Variants in FSHR observed in about 807,000 individuals in gnomAD.
The protein encoded by FSHR is follicle-stimulating hormone receptor.
Under a neutral mutation model 52.1 loss-of-function variants are expected in FSHR, and 46 were observed. That is an observed-to-expected ratio of 0.88 (90% CI 0.70 to 1.13). The LOEUF (loss-of-function observed/expected upper bound fraction) is 1.13, where lower values mean the gene tolerates loss of function less well. Among genes scored for constraint, FSHR ranks in the 50% most tolerant of loss-of-function variants. FSHR has a pLI of 0.00. For synonymous variants in FSHR, 399 were observed against 309.6 expected (o/e 1.29, Z -3.03); for missense variants, 964 against 834.6 (o/e 1.16, Z -1.91).
chr2:49,090,909 T>C (rs765759322), intron 1 of FSHR, among the ~76,000 whole-genome samples: 10 of 152,272 alleles, frequency 6.6e-5, no homozygotes, highest in Non-Finnish European at 1.3e-4. Context: ...GTCATTCTTA[T>C]ATTTTTTTTG....
chr2:49,020,600 T>C (rs538676479), intron 2 of FSHR, among the ~76,000 whole-genome samples: 2 of 152,220 alleles, frequency 1.3e-5, no homozygotes, highest in East Asian at 3.9e-4. Flanking sequence ...ATTGACATTG[T>C]AGCCCAAATG....
At chr2:49,107,257 C>T (rs897980352) in intron 1 of FSHR, among the ~76,000 whole-genome samples, 1 of 151,968 alleles carries the variant, frequency 6.6e-6, no homozygotes, top group Non-Finnish European at 1.5e-5. Flanking sequence ...TTGAAATGGC[C>T]TTTTTTTCCT....
At chr2:49,078,784 G>T (rs1354362628) in intron 1 of FSHR, among the ~76,000 whole-genome samples, 1 of 152,110 alleles carries the variant, frequency 6.6e-6, no homozygotes, top group Non-Finnish European at 1.5e-5. Context: ...AGAAATTTTA[G>T]ACACATTCCG....
rs541019054 is a variant in FSHR, at chr2:49,086,439, A to G, written c.153-18149T>C. ...TGTCAGTGAGTCAGAGTCCTTGCTG[A>G]TTTGTTCTTCTGTCTTGTAACTTAA... On this transcript the variant is annotated intron_variant, in intron 1 of 9. Transcript: ENST00000406846. 2.6e-5 allele frequency among the ~76,000 whole-genome samples: 4 copies of G among 152,264 alleles called. No homozygotes were observed. The South Asian group carries it at 8.3e-4, about 32-fold the overall frequency.
intron 4 of FSHR, among the ~76,000 whole-genome samples, chr2:49,016,006 C>G (rs577718233): frequency 6.6e-6 from 1 of 152,216 alleles, no homozygotes; most frequent in Non-Finnish European, 1.5e-5. Context: ...GGGTAGCTGT[C>G]AGAGAGCAGA....
At chr2:49,058,634 C>G (rs1558416228) in intron 2 of FSHR, among the ~76,000 whole-genome samples, 1 of 151,794 alleles carries the variant, frequency 6.6e-6, no homozygotes, top group Non-Finnish European at 1.5e-5. Context: ...CAACAAAAAT[C>G]AGTAGCATTT....
At chr2:49,127,830 C>CTTCTTCTTCTTCTTCT (rs1558456676) in intron 1 of FSHR, among the ~76,000 whole-genome samples, 1 of 21,054 alleles carries the variant, frequency 4.7e-5, no homozygotes, top group African/African-American at 2.3e-4. Flanking sequence ...CTTCTTCTTC[C>CTTCTTCTTCTTCTTCT]TCTTCTTCTT....
chr2:49,134,485 A>T (rs973733093), intron 1 of FSHR, among the ~76,000 whole-genome samples: 1 of 152,226 alleles, frequency 6.6e-6, no homozygotes, highest in African/African-American at 2.4e-5. Context: ...AACTAGTTCA[A>T]CCATTGTGGA....
chr2:49,003,626 G>A (rs7591844), intron 4 of FSHR, among the ~76,000 whole-genome samples: 116,006 of 152,060 alleles, frequency 0.76, 44,350 homozygotes, highest in Admixed American at 0.81. Flanking sequence ...GATGGAAGCA[G>A]GGAAAAAGTG....
At chr2:49,107,048 C>A (rs970591879) in intron 1 of FSHR, among the ~76,000 whole-genome samples, 1 of 152,114 alleles carries the variant, frequency 6.6e-6, no homozygotes, top group Non-Finnish European at 1.5e-5. Context: ...AATCACATTT[C>A]ATCATTACCT....
At chr2:49,060,123 AG>A (rs1669231853) in intron 2 of FSHR, among the ~76,000 whole-genome samples, 1 of 152,314 alleles carries the variant, frequency 6.6e-6, no homozygotes, top group South Asian at 2.1e-4. Context: ...TAATCATCAG[AG>A]AAATGCAAAT....
chr2:49,077,347 C>G lies in FSHR; in HGVS notation c.153-9057G>C, dbSNP rs550966622. On this transcript the variant is annotated intron_variant, in intron 1 of 9. Transcript: ENST00000406846. ...CTATGGCCCGAGCTCTATGTTGGCT[C>G]CTTTCAGCCACAGCTGGAGCAGCTG... Among the ~76,000 whole-genome samples the G allele has an allele frequency of 2.6e-5, 4 of 152,308 alleles. No individual in the cohort carries two copies. In the South Asian group the frequency reaches 8.3e-4, roughly 32 times the overall value.
At chr2:49,053,318 C>A (rs189349886) in intron 2 of FSHR, among the ~76,000 whole-genome samples, 1 of 152,064 alleles carries the variant, frequency 6.6e-6, no homozygotes, top group African/African-American at 2.4e-5. Context: ...AACTAGCTTT[C>A]CCCCCACCTC....
At chr2:49,068,123 C>T (rs368315161) in intron 2 of FSHR, 96 bp downstream of exon 2, 31 of 909,884 alleles carry the variant, frequency 3.4e-5, no homozygotes, top group South Asian at 1.3e-4. Context: ...CATGTCAGTT[C>T]GGCTACTAAG....
intron 1 of FSHR, among the ~76,000 whole-genome samples, chr2:49,075,865 C>T (rs1043049802): frequency 1.1e-4 from 16 of 152,198 alleles, no homozygotes; most frequent in African/African-American, 3.6e-4. Flanking sequence ...GTCTTCAACT[C>T]CTTGGCTGGA....
chr2:49,021,886 T>TAGAGAGAGAGAGAGAG (rs58926557), intron 2 of FSHR, among the ~76,000 whole-genome samples: 3 of 25,116 alleles, frequency 1.2e-4, no homozygotes, highest in East Asian at 2.7e-3. Flanking sequence ...TATATATATA[T>TAGAGAGAGAGAGAGAG]AGAGAGAGAG....
intron 2 of FSHR, among the ~76,000 whole-genome samples, chr2:49,033,457 C>T (rs1190515259): frequency 6.6e-6 from 1 of 152,046 alleles, no homozygotes; most frequent in Admixed American, 6.5e-5. Context: ...GGAAAATCAC[C>T]AATTTGAAAG....
intron 1 of FSHR, among the ~76,000 whole-genome samples, chr2:49,127,814 CTTCT>C (rs1558456475): frequency 4.0e-5 from 2 of 49,398 alleles, no homozygotes; most frequent in African/African-American, 8.3e-5. Flanking sequence ...TCTTCTTCTT[CTTCT>C]TCTTCTTCTT....
At chr2:49,026,202 T>G (rs1667905774) in intron 2 of FSHR, among the ~76,000 whole-genome samples, 1 of 152,224 alleles carries the variant, frequency 6.6e-6, no homozygotes, top group Non-Finnish European at 1.5e-5. Flanking sequence ...TTGAATTAAA[T>G]GCACTTGGTT....
Sources: gnomAD v4.1 joint callset for allele counts (sites outside exome capture counted in the v4.1 genomes callset) on GRCh38, gnomAD v4.1.1 for gene constraint, MANE v1.5 for transcripts, NCBI Gene and HGNC (gene_info 2026-07-23, HGNC 2026-07-21) for gene names.